Variants in OPRM1 observed in about 807,000 individuals in gnomAD.
OPRM1 encodes the protein opioid receptor mu 1.
A neutral mutation model predicts 31.8 loss-of-function variants in OPRM1; 27 were observed. The ratio of observed to expected loss-of-function variants is 0.85; its 90% CI spans 0.63 to 1.17. OPRM1 has a LOEUF of 1.17. OPRM1 is among the 50% of genes most tolerant of loss of function. The pLI is 0.00. For synonymous variants in OPRM1, 196 were observed against 189.9 expected (o/e 1.03, Z -0.26); for missense variants, 536 against 511.1 (o/e 1.05, Z -0.47).
intron 3 of OPRM1, among the ~76,000 whole-genome samples, chr6:154,180,832 A>G (rs1800809944): frequency 6.6e-6 from 1 of 152,242 alleles, no homozygotes; most frequent in South Asian, 2.1e-4. Flanking sequence ...AGGAATGTCT[A>G]AATGATGTCC....
intron 3 of OPRM1, chr6:154,110,232 G>T: frequency 1.8e-6 from 1 of 554,134 alleles, no homozygotes. Context: ...GTTTTCTGGT[G>T]ATATTACAAG....
At chr6:154,148,889 C>T (rs1798423653) in intron 3 of OPRM1, among the ~76,000 whole-genome samples, 1 of 152,196 alleles carries the variant, frequency 6.6e-6, no homozygotes, top group Admixed American at 6.5e-5. Context: ...TACTTGACCT[C>T]TGTATACCCC....
intron 1 of OPRM1, among the ~76,000 whole-genome samples, chr6:154,027,152 G>A (rs1778742407): frequency 6.6e-6 from 1 of 152,180 alleles, no homozygotes; most frequent in Admixed American, 6.5e-5. Context: ...AATCTAAGAT[G>A]TATCTGCTTT....
chr6:154,206,967 G>C (rs1583797366), intron 3 of OPRM1, among the ~76,000 whole-genome samples: 1 of 152,350 alleles, frequency 6.6e-6, no homozygotes, highest in Admixed American at 6.5e-5. Flanking sequence ...AATTTAAGAA[G>C]CAATGAGAAT....
chr6:154,019,113 C>A (rs1023506349), intron 1 of OPRM1, among the ~76,000 whole-genome samples: 4 of 150,630 alleles, frequency 2.7e-5, no homozygotes, highest in African/African-American at 9.8e-5. Flanking sequence ...ACAAACAATC[C>A]AATTACATTA....
intron 2 of OPRM1, 110 bp from the exon 3 acceptor site, chr6:154,090,842 A>G (rs1488544865): frequency 6.7e-6 from 6 of 899,424 alleles, no homozygotes; most frequent in Non-Finnish European, 1.0e-5. Flanking sequence ...TTATAGCCTT[A>G]AGTTAGCTCT....
At chr6:154,143,939 A>G (rs1798289820) in intron 3 of OPRM1, among the ~76,000 whole-genome samples, 1 of 152,224 alleles carries the variant, frequency 6.6e-6, no homozygotes, top group Non-Finnish European at 1.5e-5. Flanking sequence ...ACCGAAAGAG[A>G]AAGAGAGAGA....
chr6:154,093,448 C>T lies in OPRM1; in HGVS notation c.1164+1976C>T, dbSNP rs1477234761. 5 of 1,613,784 alleles carry T rather than the reference C, an allele frequency of 3.1e-6. No homozygotes were observed. In the Admixed American group the frequency reaches 8.3e-5, roughly 27 times the overall value. ...GGTGGAGCATTTCTCCTGAGTTAAG[C>T]ATGATTATTCTTCAGTTGCCCGACA... On this transcript the variant is annotated intron_variant, in intron 3 of 3. Coordinates refer to ENST00000330432, the MANE Select transcript of OPRM1 (RefSeq NM_000914.5).
rs1323040 is a variant in OPRM1 at position 154,010,889 on chromosome 6, A to G, written c.-130A>G. The G allele has an allele frequency of 1.6e-5, 21 of 1,317,428 alleles. No homozygotes were observed. The Admixed American group carries it at 2.1e-4, about 13-fold the overall frequency. The allele number at this position is 1,317,428 out of a possible 1,614,324, so 81.6% of individuals were successfully genotyped here. On this transcript the variant is annotated 5_prime_UTR_variant, in exon 1 of 6. Transcript: ENST00000434900. ...TGCTACATGCAATAAATGTAATTCT[A>G]TGAGAAGGACCAGCCCTTACATCCC...
intron 3 of OPRM1, among the ~76,000 whole-genome samples, chr6:154,148,301 G>C (rs1005534929): frequency 6.6e-6 from 1 of 152,358 alleles, no homozygotes; most frequent in East Asian, 1.9e-4. Context: ...TTCCCAGATG[G>C]AAGGGGTCCA....
chr6:154,071,380 CT>C (rs1281033249), intron 1 of OPRM1, among the ~76,000 whole-genome samples: 1 of 152,194 alleles, frequency 6.6e-6, no homozygotes, highest in Non-Finnish European at 1.5e-5. Flanking sequence ...ACAATGCCCC[CT>C]AAGTGGCCTG....
chr6:154,083,591 T>C (rs1175063157), intron 1 of OPRM1: 2 of 152,256 alleles, frequency 1.3e-5, no homozygotes, highest in African/African-American at 4.8e-5. Flanking sequence ...GCAGAGAAGA[T>C]TGGGAGAGGA....
chr6:154,196,596 T>G (rs1365770563), intron 3 of OPRM1, among the ~76,000 whole-genome samples: 1 of 152,224 alleles, frequency 6.6e-6, no homozygotes, highest in Non-Finnish European at 1.5e-5. Flanking sequence ...CTCCACATTG[T>G]CAGCAGGTAG....
intron 3 of OPRM1, among the ~76,000 whole-genome samples, chr6:154,153,684 CA>C (rs35352448): frequency 0.11 from 9,701 of 89,364 alleles, 333 homozygotes; most frequent in South Asian, 0.26. Context: ...AACTCTATCT[CA>C]AAAAAAAAAA....
chr6:154,235,792 G>C (rs1780085428), intron 3 of OPRM1, among the ~76,000 whole-genome samples: 1 of 152,164 alleles, frequency 6.6e-6, no homozygotes, highest in African/African-American at 2.4e-5. Flanking sequence ...ACATGCGAAA[G>C]TTGCTCAAGG....
chr6:154,218,769 C>T (rs927111714), intron 3 of OPRM1, among the ~76,000 whole-genome samples: 1 of 152,160 alleles, frequency 6.6e-6, no homozygotes, highest in African/African-American at 2.4e-5. Context: ...CAGGCCCAGA[C>T]AAAATGGACC....
intron 1 of OPRM1, among the ~76,000 whole-genome samples, chr6:154,013,607 A>C (rs1189680090): frequency 6.6e-6 from 1 of 152,224 alleles, no homozygotes. Flanking sequence ...TGAAGTATCA[A>C]TAGTGTGTCC....
chr6:154,069,938 A>T (rs10457090), intron 1 of OPRM1, among the ~76,000 whole-genome samples: 1 of 152,182 alleles, frequency 6.6e-6, no homozygotes, highest in African/African-American at 2.4e-5. Flanking sequence ...CTGACCCCCA[A>T]AAAAGGATAA....
intron 3 of OPRM1, among the ~76,000 whole-genome samples, chr6:154,218,200 G>C (rs375145303): frequency 6.3e-4 from 96 of 152,314 alleles, no homozygotes; most frequent in African/African-American, 2.3e-3. Context: ...CTGGGAGTTT[G>C]TTGTATATTA....
Sources: allele counts gnomAD v4.1 joint callset (sites outside exome capture counted in the v4.1 genomes callset), GRCh38; gene constraint gnomAD v4.1.1; transcripts MANE v1.5; gene names NCBI Gene and HGNC (gene_info 2026-07-23, HGNC 2026-07-21).